Variants in WWOX observed in about 807,000 individuals in gnomAD.
The protein encoded by WWOX is WW domain containing oxidoreductase.
In WWOX, 69 loss-of-function variants were observed where a neutral mutation model predicts 46.2. The observed-to-expected ratio is 1.49, with a 90% confidence interval of 1.23 to 1.82. WWOX has a LOEUF of 1.82. WWOX is among the 40% of genes most tolerant of loss of function. The pLI is 0.00. For synonymous variants in WWOX, 359 were observed against 202.6 expected, an observed-to-expected ratio of 1.77 and a Z score of -6.56; for missense variants, 919 against 542.6, an observed-to-expected ratio of 1.69 and a Z score of -6.89.
At chr16:79,193,825 A>G (rs2150814053) in intron 8 of WWOX, among the ~76,000 whole-genome samples, 1 of 152,256 alleles carries the variant, frequency 6.6e-6, no homozygotes, top group African/African-American at 2.4e-5. Context: ...GTAGACAGAC[A>G]AGATTGTGGT....
intron 8 of WWOX, among the ~76,000 whole-genome samples, chr16:78,772,672 G>C (rs1297378022): frequency 6.6e-6 from 1 of 152,176 alleles, no homozygotes; most frequent in African/African-American, 2.4e-5. Flanking sequence ...AGCCACTGGG[G>C]CATAGGCATA....
At chr16:79,073,927 C>T (rs900739616) in intron 8 of WWOX, among the ~76,000 whole-genome samples, 3 of 151,822 alleles carry the variant, frequency 2.0e-5, no homozygotes, top group African/African-American at 4.8e-5. Flanking sequence ...CTTTTTCTAG[C>T]AATTCTCAAT....
rs572725315 is a variant in WWOX at position 78,961,500 on chromosome 16, C to T, written c.1057-250108C>T. Among the ~76,000 whole-genome samples, 20 of 150,976 alleles carry T rather than the reference C, an allele frequency of 1.3e-4. 1 individual carries two copies. The highest frequency in any genetic ancestry group is 1.0e-3 in the South Asian group (5 of 4,764). ...GGATGGATAGGTAGATGGATGGATG[C>T]GTGGGTGTGTGGAATGGTGGGTGGT... On this transcript the variant is annotated intron_variant, in intron 8 of 8. Coordinates refer to ENST00000566780, the MANE Select transcript of WWOX (RefSeq NM_016373.4).
chr16:78,633,695 T>G (rs929893187), intron 8 of WWOX, among the ~76,000 whole-genome samples: 4 of 152,210 alleles, frequency 2.6e-5, no homozygotes, highest in African/African-American at 9.6e-5. Context: ...CTTTTATGCT[T>G]CGCTGTGAAG....
chr16:79,013,246 G>A (rs900265369), intron 8 of WWOX, among the ~76,000 whole-genome samples: 10 of 152,160 alleles, frequency 6.6e-5, no homozygotes, highest in Admixed American at 3.3e-4. Context: ...CCACAGGGTC[G>A]AGAGTGAATG....
At chr16:78,270,773 C>G (rs1425649628) in intron 5 of WWOX, among the ~76,000 whole-genome samples, 4 of 151,976 alleles carry the variant, frequency 2.6e-5, no homozygotes, top group Non-Finnish European at 5.9e-5. Context: ...AATTATGGCC[C>G]AAAGGCTAAC....
At chr16:78,693,611 C>T (rs1295382306) in intron 8 of WWOX, among the ~76,000 whole-genome samples, 1 of 152,078 alleles carries the variant, frequency 6.6e-6, no homozygotes, top group Non-Finnish European at 1.5e-5. Flanking sequence ...TGTCACCTGT[C>T]GGGAACATTT....
chr16:78,584,735 C>G (rs150168357), intron 8 of WWOX, among the ~76,000 whole-genome samples: 1 of 152,146 alleles, frequency 6.6e-6, no homozygotes, highest in East Asian at 1.9e-4. Flanking sequence ...GGGTGGTGAT[C>G]TTAAAGGGGC....
At chr16:78,907,041 T>A (rs2044983654) in intron 8 of WWOX, among the ~76,000 whole-genome samples, 1 of 151,452 alleles carries the variant, frequency 6.6e-6, no homozygotes, top group Admixed American at 6.6e-5. Context: ...AGGGAAAGAG[T>A]TTAATGTTGG....
intron 8 of WWOX, among the ~76,000 whole-genome samples, chr16:78,596,175 A>C (rs2045484721): frequency 6.6e-6 from 1 of 152,104 alleles, no homozygotes. Context: ...TTATCTTTTG[A>C]GTGATATCAA....
intron 8 of WWOX, among the ~76,000 whole-genome samples, chr16:78,993,655 G>C (rs2046932485): frequency 6.6e-6 from 1 of 152,208 alleles, no homozygotes; most frequent in Admixed American, 6.5e-5. Context: ...CTGTCTCTTA[G>C]TTTTGTCACC....
intron 8 of WWOX, among the ~76,000 whole-genome samples, chr16:79,045,780 C>CTTT (rs770463813): frequency 3.7e-5 from 2 of 54,232 alleles, no homozygotes; most frequent in African/African-American, 1.1e-4. Flanking sequence ...TTTTCTTTTC[C>CTTT]TTTTTTTTTT....
At chr16:78,588,602 G>A (rs1480448915) in intron 8 of WWOX, among the ~76,000 whole-genome samples, 1 of 152,140 alleles carries the variant, frequency 6.6e-6, no homozygotes, top group African/African-American at 2.4e-5. Context: ...TTGTACATGA[G>A]GATACTGAGG....
At chr16:79,123,886 C>T (rs1176355456) in intron 8 of WWOX, among the ~76,000 whole-genome samples, 1 of 152,174 alleles carries the variant, frequency 6.6e-6, no homozygotes, top group Non-Finnish European at 1.5e-5. Context: ...AAACAGGCAG[C>T]ATCGATGGAG....
chr16:78,192,537 C>T (rs115317807), intron 5 of WWOX, among the ~76,000 whole-genome samples: 1 of 151,596 alleles, frequency 6.6e-6, no homozygotes. Context: ...CAAATAGGAC[C>T]CATATCCCTG....
intron 6 of WWOX, among the ~76,000 whole-genome samples, chr16:78,398,037 C>T (rs1018672015): frequency 3.9e-5 from 6 of 152,186 alleles, no homozygotes; most frequent in African/African-American, 1.2e-4. Context: ...CTGTGAATGT[C>T]ACTGTCCATT....
intron 8 of WWOX, among the ~76,000 whole-genome samples, chr16:78,625,742 G>GT (rs1597366073): frequency 1.4e-5 from 2 of 142,346 alleles, no homozygotes; most frequent in African/African-American, 2.6e-5. Context: ...TACTTCTGCA[G>GT]TTTTTTTGCC....
intron 8 of WWOX, among the ~76,000 whole-genome samples, chr16:79,187,154 T>G (rs2051032562): frequency 6.6e-6 from 1 of 152,158 alleles, no homozygotes; most frequent in Non-Finnish European, 1.5e-5. Flanking sequence ...CTCCACCACT[T>G]ACGAATTGAA....
At chr16:79,075,683 G>C (rs974346508) in intron 8 of WWOX, among the ~76,000 whole-genome samples, 1 of 151,970 alleles carries the variant, frequency 6.6e-6, no homozygotes, top group Non-Finnish European at 1.5e-5. Flanking sequence ...CTCCTGAGTA[G>C]CTGGGACTAT....
Sources: allele counts gnomAD v4.1 joint callset (sites outside exome capture counted in the v4.1 genomes callset), GRCh38; gene constraint gnomAD v4.1.1; transcripts MANE v1.5; gene names NCBI Gene and HGNC (gene_info 2026-07-23, HGNC 2026-07-21).